CBFA2T3: variants seen among roughly 807,000 people sequenced by gnomAD.
The protein encoded by CBFA2T3 is CBFA2/RUNX1 partner transcriptional co-repressor 3, also known as transcriptional corepressor CBFA2T3.
A neutral mutation model predicts 58.6 loss-of-function variants in CBFA2T3; 31 were observed. That is an observed-to-expected ratio of 0.53 (90% CI 0.40 to 0.71). The LOEUF is 0.71. CBFA2T3 is among the 30% of genes least tolerant of loss of function. CBFA2T3 has a pLI of 0.00. For missense variants in CBFA2T3, 1,076 were observed against 963.1 expected (o/e 1.12, Z -1.55); for synonymous variants, 531 against 421.9 (o/e 1.26, Z -3.17).
chr16:88,889,050 A>C (rs11641738), intron 5 of CBFA2T3, among the ~76,000 whole-genome samples: 1 of 151,598 alleles, frequency 6.6e-6, no homozygotes, highest in South Asian at 2.1e-4. Context: ...CCTGATCCTC[A>C]GTTAAGCAAG....
Position 88,935,732 on chromosome 16 carries a change from A to C in CBFA2T3, c.152-34076T>G, listed in dbSNP as rs554707439. Among the ~76,000 whole-genome samples, 13 of 152,316 alleles carry C rather than the reference A, an allele frequency of 8.5e-5. No homozygotes were observed. In the South Asian group the frequency reaches 2.7e-3, roughly 32 times the overall value. ...GAAGGGGGCCTGGGTGCAGAGCTGC[A>C]TCATGCCGCATCCACCACTGAGCCT... is the stretch of plus-strand genomic sequence containing the variant. On this transcript the variant is annotated intron_variant, in intron 1 of 11. Transcript: ENST00000268679.
At chr16:88,916,909 G>A (rs1157473690) in intron 1 of CBFA2T3, among the ~76,000 whole-genome samples, 1 of 151,580 alleles carries the variant, frequency 6.6e-6, no homozygotes, top group African/African-American at 2.4e-5. Context: ...CTCGAACGTT[G>A]TATCAGTTAC....
intron 1 of CBFA2T3, among the ~76,000 whole-genome samples, chr16:88,935,146 C>T (rs1156970679): frequency 2.0e-5 from 3 of 152,194 alleles, no homozygotes; most frequent in Non-Finnish European, 4.4e-5. Context: ...CTGTTCTGTC[C>T]ACTTGGGCAC....
chr16:88,956,840 C>G (rs1421856906), intron 1 of CBFA2T3, among the ~76,000 whole-genome samples: 1 of 152,232 alleles, frequency 6.6e-6, no homozygotes, highest in African/African-American at 2.4e-5. Flanking sequence ...CAGGTGGCGT[C>G]ACAGGGGCCT....
chr16:88,942,068 GT>G (rs951072880), intron 1 of CBFA2T3, among the ~76,000 whole-genome samples: 3 of 152,286 alleles, frequency 2.0e-5, no homozygotes, highest in African/African-American at 7.2e-5. Flanking sequence ...CCGGGGCCAG[GT>G]CATTTGCATA....
chr16:88,975,675 G>A lies in CBFA2T3; in HGVS notation c.151+982C>T, dbSNP rs532741720. Among the ~76,000 whole-genome samples, 405 of 152,402 alleles carry A rather than the reference G, an allele frequency of 2.7e-3. 2 individuals carry two copies. The highest frequency in any genetic ancestry group is 9.2e-3 in the African/African-American group (383 of 41,596). On this transcript the variant is annotated intron_variant, in intron 1 of 11. Transcript: ENST00000268679. ...TGGTGAGGTCCGGCCTTTGCATTCC[G>A]GGCACCCGGGGTTGGGAAGTTCCTG...
At chr16:88,943,824 T>G (rs771335942) in intron 1 of CBFA2T3, among the ~76,000 whole-genome samples, 1 of 152,118 alleles carries the variant, frequency 6.6e-6, no homozygotes. Flanking sequence ...AGGGGACATT[T>G]AAGGAGGAGA....
At chr16:88,934,221 G>C (rs144603548) in intron 1 of CBFA2T3, among the ~76,000 whole-genome samples, 7 of 151,062 alleles carry the variant, frequency 4.6e-5, no homozygotes, top group Non-Finnish European at 4.4e-5. Context: ...CCGGCGAGAA[G>C]GGCTGCCCCA....
intron 1 of CBFA2T3, among the ~76,000 whole-genome samples, chr16:88,959,894 C>T (rs755980829): frequency 3.9e-5 from 6 of 152,062 alleles, no homozygotes; most frequent in Admixed American, 1.3e-4. Context: ...GATGCAGTGA[C>T]GGGCGTCTGT....
intron 1 of CBFA2T3, among the ~76,000 whole-genome samples, chr16:88,920,623 CACAGGTGGTGCAT>C (rs1199306671): frequency 6.6e-6 from 1 of 152,180 alleles, no homozygotes; most frequent in Non-Finnish European, 1.5e-5. Context: ...CTCCAACGGC[CACAGGTGGTGCAT>C]GGTGACGGAG....
At chr16:88,919,319 C>T (rs1970837309) in intron 1 of CBFA2T3, among the ~76,000 whole-genome samples, 1 of 152,120 alleles carries the variant, frequency 6.6e-6, no homozygotes, top group Admixed American at 6.5e-5. Flanking sequence ...TATAAATGAC[C>T]CTGGTCTCCT....
intron 3 of CBFA2T3, 38 bp from the exon 4 acceptor site, chr16:88,892,523 T>C (rs1458200613): frequency 1.2e-6 from 2 of 1,607,224 alleles, no homozygotes; most frequent in Middle Eastern, 1.6e-4. Context: ...ACAAAGGTGA[T>C]GGTGACAACA....
intron 1 of CBFA2T3, among the ~76,000 whole-genome samples, chr16:88,963,954 T>C (rs1972430773): frequency 6.6e-6 from 1 of 152,182 alleles, no homozygotes; most frequent in Admixed American, 6.5e-5. Flanking sequence ...TCGCTTGCAG[T>C]GCATCTTGAG....
intron 1 of CBFA2T3, among the ~76,000 whole-genome samples, chr16:88,942,954 G>A (rs543695767): frequency 6.6e-6 from 1 of 152,354 alleles, no homozygotes; most frequent in South Asian, 2.1e-4. Context: ...TCCCCATGCG[G>A]TGGGTGTGTT....
intron 1 of CBFA2T3, among the ~76,000 whole-genome samples, chr16:88,924,540 G>A (rs551376925): frequency 1.3e-5 from 2 of 152,114 alleles, no homozygotes; most frequent in Non-Finnish European, 2.9e-5. Flanking sequence ...TGGTGGCTGC[G>A]GGGGCCACCA....
chr16:88,899,710 G>T (rs1002528664), intron 2 of CBFA2T3, among the ~76,000 whole-genome samples: 1 of 152,230 alleles, frequency 6.6e-6, no homozygotes, highest in Non-Finnish European at 1.5e-5. Context: ...ACCCTTGAGG[G>T]TCTGGGGAAC....
chr16:88,975,123 C>T (rs200854871), intron 1 of CBFA2T3, among the ~76,000 whole-genome samples: 12 of 113,428 alleles, frequency 1.1e-4, no homozygotes, highest in Admixed American at 5.7e-4. Flanking sequence ...CCACCCTGGC[C>T]CTCTGCTCCT....
At chr16:88,929,943 T>C (rs549437733) in intron 1 of CBFA2T3, among the ~76,000 whole-genome samples, 55 of 147,226 alleles carry the variant, frequency 3.7e-4, no homozygotes, top group Non-Finnish European at 6.3e-4. Context: ...TACCCACAGC[T>C]GCATGGTCCA....
intron 1 of CBFA2T3, among the ~76,000 whole-genome samples, chr16:88,920,463 T>A (rs796419896): frequency 0.017 from 2,481 of 147,674 alleles, 81 homozygotes; most frequent in African/African-American, 0.057. Flanking sequence ...TTTTTTTTTT[T>A]AAATAGAGAC....
Sources: gnomAD v4.1 joint callset for allele counts (sites outside exome capture counted in the v4.1 genomes callset) on GRCh38, gnomAD v4.1.1 for gene constraint, MANE v1.5 for transcripts, NCBI Gene and HGNC (gene_info 2026-07-23, HGNC 2026-07-21) for gene names.